Variants in GLCCI1 observed in about 807,000 individuals in gnomAD.
GLCCI1 encodes the protein glucocorticoid-induced transcript 1 protein.
Under a neutral mutation model 52.2 loss-of-function variants are expected in GLCCI1, and 24 were observed. That is an observed-to-expected ratio of 0.46 (90% CI 0.33 to 0.65). GLCCI1 has a LOEUF of 0.65. Ranked by LOEUF, GLCCI1 falls within the 30% of genes least tolerant of loss-of-function variation. The pLI is 0.02. For missense variants in GLCCI1, 704 were observed against 701.5 expected, an observed-to-expected ratio of 1.00 and a Z score of -0.04; for synonymous variants, 310 against 276.5, an observed-to-expected ratio of 1.12 and a Z score of -1.20.
intron 6 of GLCCI1, among the ~76,000 whole-genome samples, chr7:8,073,964 C>T (rs900750347): frequency 2.6e-5 from 4 of 152,132 alleles, no homozygotes; most frequent in Admixed American, 2.0e-4. Context: ...AATCAAATAC[C>T]ATCTTTATAA....
intron 1 of GLCCI1, among the ~76,000 whole-genome samples, chr7:7,975,663 T>C (rs968908267): frequency 6.6e-6 from 1 of 152,268 alleles, no homozygotes; most frequent in Non-Finnish European, 1.5e-5. Context: ...ATTTTCAGAA[T>C]GTCTAAAAAT....
chr7:7,970,133 C>A (rs1035841271), intron 1 of GLCCI1, among the ~76,000 whole-genome samples: 4 of 152,316 alleles, frequency 2.6e-5, no homozygotes, highest in African/African-American at 9.6e-5. Context: ...AAACACTTAA[C>A]ACGCACACAA....
chr7:7,969,423 C>G lies in GLCCI1; in HGVS notation c.73C>G (p.Arg25Gly). ...TPHPPSQRMR[R>G]SAAGSPPAVA... is the part of the protein sequence containing the mutation. ...TCATCCCCCGTCGCAGAGGATGAGG[C>G]GCAGCGCCGCGGGGTCCCCGCCCGC... is the stretch of plus-strand genomic sequence containing the variant. Residue 25 changes from arginine to glycine, a missense_variant, in exon 1 of 8, where the codon CGC becomes GGC. Arg to Gly is a moderately radical substitution (Grantham distance 125). This residue lies in a region of GLCCI1 where 547 missense variants were observed against 524.8 expected (regional missense o/e 1.04). Coordinates refer to ENST00000223145, the MANE Select transcript of GLCCI1 (RefSeq NM_138426.4). The surrounding 1 kb of genome is among the most constrained non-coding windows in gnomAD (Gnocchi z 4.9). The G allele has an allele frequency of 7.5e-7, 1 of 1,324,810 alleles. No homozygotes were observed. The highest frequency in any genetic ancestry group is 1.8e-5 in the South Asian group (1 of 56,056). The allele number at this position is 1,324,810 out of a possible 1,614,324, so 82.1% of individuals were successfully genotyped here.
intron 3 of GLCCI1, among the ~76,000 whole-genome samples, chr7:8,047,166 A>G (rs550853580): frequency 1.3e-5 from 2 of 152,246 alleles, no homozygotes; most frequent in Non-Finnish European, 2.9e-5. Flanking sequence ...TAATGCTCGT[A>G]TACAATGAAG....
intron 2 of GLCCI1, among the ~76,000 whole-genome samples, chr7:8,007,851 T>G (rs550806966): frequency 6.6e-6 from 1 of 152,148 alleles, no homozygotes; most frequent in Non-Finnish European, 1.5e-5. Flanking sequence ...TAAAAAGAAG[T>G]AGCATAATGT....
rs78312353 is a variant in GLCCI1, at chr7:8,015,011, C to T, written c.610-7472C>T. On this transcript the variant is annotated intron_variant, in intron 2 of 7. Transcript: ENST00000223145. The stretch of plus-strand genomic sequence containing the variant: ...AGTCTATGGAGTTTTATGATCCTGC[C>T]TCTATGTCAGCATCTTTCCCTAGAA... 8.6e-3 allele frequency among the ~76,000 whole-genome samples: 1,313 copies of T among 152,206 alleles called. 20 individuals are homozygous for T. The highest frequency in any genetic ancestry group is 0.03 in the African/African-American group (1,227 of 41,540).
chr7:8,057,114 A>C (rs1314213304), intron 4 of GLCCI1, among the ~76,000 whole-genome samples: 2 of 152,240 alleles, frequency 1.3e-5, no homozygotes, highest in African/African-American at 4.8e-5. Flanking sequence ...ACAAAAAGGT[A>C]CAACTACTTT....
chr7:8,032,818 A>G (rs1283532834), intron 3 of GLCCI1, among the ~76,000 whole-genome samples: 1 of 152,020 alleles, frequency 6.6e-6, no homozygotes, highest in Admixed American at 6.5e-5. Context: ...AATTCGATCA[A>G]ATATTTAAGG....
rs149236245 is a variant in GLCCI1 at position 8,071,195 on chromosome 7, G to C, written c.1177+64G>C. ...GCCTTGCTCATTATACCTTGTCTTA[G>C]ACCATTACATCTTTTTTTTTTTCTT... On this transcript the variant is annotated intron_variant, in intron 6 of 7. Coordinates refer to ENST00000223145, the MANE Select transcript of GLCCI1 (RefSeq NM_138426.4). The C allele has an allele frequency of 1.8e-4, 224 of 1,244,632 alleles. No homozygotes were observed. In the African/African-American group the frequency reaches 3.0e-3, roughly 17 times the overall value. The allele number at this position is 1,244,632 out of a possible 1,614,324, so 77.1% of individuals were successfully genotyped here.
chr7:8,031,378 G>T (rs939585469), intron 3 of GLCCI1, among the ~76,000 whole-genome samples: 1 of 152,086 alleles, frequency 6.6e-6, no homozygotes, highest in Non-Finnish European at 1.5e-5. Context: ...AGGATAGAAG[G>T]ATGGTTACTT....
rs1194070508 is a variant in GLCCI1 at position 8,020,673 on chromosome 7, T to C, written c.610-1810T>C. Among the ~76,000 whole-genome samples, 23 of 152,232 alleles carry C rather than the reference T, an allele frequency of 1.5e-4. 1 individual carries two copies. The highest frequency in any genetic ancestry group is 1.4e-3 in the Admixed American group (22 of 15,294). On this transcript the variant is annotated intron_variant, in intron 2 of 7. Transcript: ENST00000223145. ...TATTATAAATGTTGATTTTGAATAA[T>C]TGTGGAAAATGCTAAAAATTTGACT...
intron 2 of GLCCI1, among the ~76,000 whole-genome samples, chr7:8,004,456 T>C (rs527325611): frequency 6.6e-6 from 1 of 152,324 alleles, no homozygotes; most frequent in African/African-American, 2.4e-5. Context: ...GGAGAATTTA[T>C]TTTTTTCTGT....
At position 7,999,100 on chromosome 7, in the gene GLCCI1, G is replaced by A. The variant is rs796996093; in HGVS notation, c.458-4808G>A. On this transcript the variant is annotated intron_variant, in intron 1 of 7. Coordinates refer to ENST00000223145, the MANE Select transcript of GLCCI1 (RefSeq NM_138426.4). ...GGACACTTAGTAAAAATAATTTGAA[G>A]ACCATAGTTCTGACAGAGTAGTTAT... Among the ~76,000 whole-genome samples, 16 of 152,032 alleles carry A rather than the reference G, an allele frequency of 1.1e-4. No homozygotes were observed. In the South Asian group the frequency reaches 3.3e-3, roughly 32 times the overall value.
chr7:7,976,921 C>CAAAA (rs35442365), intron 1 of GLCCI1, among the ~76,000 whole-genome samples: 1 of 118,830 alleles, frequency 8.4e-6, no homozygotes. Context: ...GGTGTTGTCT[C>CAAAA]AAAAAAAAAA....
intron 1 of GLCCI1, among the ~76,000 whole-genome samples, chr7:7,995,750 G>A (rs1037924747): frequency 6.6e-6 from 1 of 152,120 alleles, no homozygotes; most frequent in Non-Finnish European, 1.5e-5. Context: ...AGGGCCTGTC[G>A]TGGGGTGGGG....
At chr7:8,006,585 G>A (rs1781154187) in intron 2 of GLCCI1, among the ~76,000 whole-genome samples, 1 of 152,152 alleles carries the variant, frequency 6.6e-6, no homozygotes, top group Non-Finnish European at 1.5e-5. Context: ...CATTTGCAGG[G>A]TCTGCAGCAA....
rs1782963917 is a variant in GLCCI1, at chr7:8,080,037, C to T, written c.1178-4860C>T. ...TTGTAAAAGCCAAATGTTCTCCTTA[C>T]TTCTAAGTTTCCAAGTTGGTCTTGG... On this transcript the variant is annotated intron_variant, in intron 6 of 7. Transcript: ENST00000223145. 1.3e-5 allele frequency among the ~76,000 whole-genome samples: 2 copies of T among 151,354 alleles called. 1 individual carries two copies. The highest frequency in any genetic ancestry group is 4.9e-5 in the African/African-American group (2 of 40,728).
chr7:8,018,134 A>T (rs1266668850), intron 2 of GLCCI1, among the ~76,000 whole-genome samples: 1 of 152,178 alleles, frequency 6.6e-6, no homozygotes, highest in Non-Finnish European at 1.5e-5. Context: ...TCATTGCTAT[A>T]AGTACTATAA....
chr7:7,975,481 T>G (rs1780445025), intron 1 of GLCCI1, among the ~76,000 whole-genome samples: 1 of 152,208 alleles, frequency 6.6e-6, no homozygotes, highest in Admixed American at 6.5e-5. Context: ...AGGATGTGGA[T>G]CTTCTCATTC....
Sources: allele counts gnomAD v4.1 joint callset (sites outside exome capture counted in the v4.1 genomes callset), GRCh38; gene constraint gnomAD v4.1.1; regional missense constraint gnomAD v4.1.1; non-coding constraint Gnocchi (gnomAD v3.1); transcripts MANE v1.5; gene names NCBI Gene and HGNC (gene_info 2026-07-23, HGNC 2026-07-21).